Variants in GMPS observed in about 807,000 individuals in gnomAD.
The protein encoded by GMPS is guanosine monophosphate synthase.
A neutral mutation model predicts 77.9 loss-of-function variants in GMPS; 15 were observed. The ratio of observed to expected loss-of-function variants is 0.19; its 90% CI spans 0.13 to 0.30. The LOEUF is 0.30. GMPS is among the 10% of genes least tolerant of loss of function. The pLI is 1.00. For missense variants in GMPS, 590 were observed against 838.8 expected (o/e 0.70, Z 3.66); for synonymous variants, 224 against 275.9 (o/e 0.81, Z 1.86).
At chr3:155,922,083 T>A in intron 10 of GMPS, 104 bp from the exon 11 acceptor site, 2 of 556,822 alleles carry the variant, frequency 3.6e-6, no homozygotes, top group Non-Finnish European at 6.3e-6. Context: ...GGATTTTAAT[T>A]TTGGAAAGGT....
At position 155,941,396 on chromosome 3, in the gene GMPS, C is replaced by T. The variant is rs867674994; in HGVS notation, c.*3704C>T. ...TCCGGCCTGGTGAAAGAGCGAGACT[C>T]AGTCTCAAAAAAAAAAAAAAAAGGA... On this transcript the variant is annotated 3_prime_UTR_variant, in exon 16 of 16. Transcript: ENST00000496455. 6.0e-4 allele frequency: 71 copies of T among 117,414 alleles called. 2 individuals are homozygous for T. The highest frequency in any genetic ancestry group is 3.5e-3 in the African/African-American group (67 of 18,902). 7.3% of individuals were successfully genotyped at this position (117,414 alleles called of 1,614,324 possible).
At position 155,914,554 on chromosome 3, in the gene GMPS, G is replaced by T; in HGVS notation, c.1022G>T (p.Gly341Val). 1 of 1,577,824 alleles carries T rather than the reference G, an allele frequency of 6.3e-7. No individual in the cohort carries two copies. The highest frequency in any genetic ancestry group is 8.6e-7 in the Non-Finnish European group (1 of 1,166,350). ...CCTGAAGAGAAAAGAAAAATCATTG[G>T]GGATACTTTTGTTAAGGTACCTTTG... The part of the protein sequence containing the change: ...TSPEEKRKII[G>V]DTFVKIANEV... Residue 341 changes from glycine (G) to valine (V), a missense_variant, in exon 8 of 16, where the codon GGG becomes GTG. Physicochemically the swap from Gly to Val is moderately radical, Grantham distance 109. Coordinates refer to ENST00000496455, the MANE Select transcript of GMPS (RefSeq NM_003875.3).
Position 155,870,820 on chromosome 3 carries a change from G to A in GMPS, c.-51G>A, listed in dbSNP as rs1167494545. The A allele has an allele frequency of 7.0e-6, 9 of 1,283,596 alleles. No individual in the cohort carries two copies. The highest frequency in any genetic ancestry group is 2.1e-5 in the Admixed American group (1 of 46,710). 79.5% of individuals were successfully genotyped at this position (1,283,596 alleles called of 1,614,324 possible). ...GCGCCGACCCTTCCGGCACCCTCCC[G>A]CCCCGTCTCGTACTGTCGCCGTCAC... is the stretch of plus-strand genomic sequence containing the variant. On this transcript the variant is annotated 5_prime_UTR_variant, in exon 1 of 16. Transcript: ENST00000496455.
At chr3:155,902,663 G>A (rs1473155980) in intron 3 of GMPS, among the ~76,000 whole-genome samples, 4 of 152,168 alleles carry the variant, frequency 2.6e-5, no homozygotes, top group African/African-American at 9.7e-5. Flanking sequence ...AACCCTTGCT[G>A]TAGATGCTAG....
At chr3:155,930,365 T>C (rs1454250011) in intron 12 of GMPS, among the ~76,000 whole-genome samples, 3 of 144,908 alleles carry the variant, frequency 2.1e-5, no homozygotes, top group African/African-American at 7.7e-5. Flanking sequence ...CAATTCAAGA[T>C]GGATTAAAGA....
At chr3:155,922,669 G>A (rs1755346653) in intron 11 of GMPS, among the ~76,000 whole-genome samples, 1 of 152,156 alleles carries the variant, frequency 6.6e-6, no homozygotes, top group African/African-American at 2.4e-5. Context: ...TCTAGGATTT[G>A]GGTTTTTACA....
intron 4 of GMPS, 90 bp from the exon 5 acceptor site, chr3:155,906,070 G>A (rs576119403): frequency 3.2e-6 from 2 of 632,094 alleles, no homozygotes; most frequent in Admixed American, 5.8e-5. Flanking sequence ...TTCTAATCAT[G>A]TATGGCAAGC....
At chr3:155,914,698 G>A (rs1327027352) in intron 8 of GMPS, 128 bp downstream of exon 8, 2 of 543,272 alleles carry the variant, frequency 3.7e-6, no homozygotes, top group Non-Finnish European at 6.3e-6. Flanking sequence ...GTGGCTGAGA[G>A]TTTTATTGTA....
rs1253501531 is a variant in GMPS, at chr3:155,940,210, A to G, written c.*2518A>G. On this transcript the variant is annotated 3_prime_UTR_variant, in exon 16 of 16. Transcript: ENST00000496455. ...GGTAGACAGAGAATGTAGATCATTG[A>G]AAGCATTATTTATTCCTAAGATTGG... is the stretch of plus-strand genomic sequence containing the variant. 3.5e-5 allele frequency: 7 copies of G among 200,020 alleles called. No individual in the cohort carries two copies. The highest frequency in any genetic ancestry group is 7.2e-5 in the Non-Finnish European group (7 of 97,016). The allele number at this position is 200,020 out of a possible 1,614,324, so 12.4% of individuals were successfully genotyped here.
At chr3:155,908,165 G>A (rs1560044860) in intron 5 of GMPS, among the ~76,000 whole-genome samples, 1 of 152,220 alleles carries the variant, frequency 6.6e-6, no homozygotes, top group Admixed American at 6.5e-5. Flanking sequence ...GAGAGACAGC[G>A]TTGTCAGGAT....
intron 1 of GMPS, among the ~76,000 whole-genome samples, chr3:155,887,362 G>A (rs1443953031): frequency 6.6e-6 from 1 of 152,066 alleles, no homozygotes; most frequent in Admixed American, 6.6e-5. Flanking sequence ...TTGTGTCTTT[G>A]CATTGTATCA....
At chr3:155,886,435 C>T (rs540778097) in intron 1 of GMPS, among the ~76,000 whole-genome samples, 3 of 151,136 alleles carry the variant, frequency 2.0e-5, no homozygotes, top group Non-Finnish European at 3.0e-5. Context: ...ATTAGCCGGG[C>T]GTGGTGGCAG....
chr3:155,931,749 A>C lies in GMPS; in HGVS notation c.1561-16A>C. On this transcript the variant is annotated splice_polypyrimidine_tract_variant and intron_variant, in intron 12 of 15. Coordinates refer to ENST00000496455, the MANE Select transcript of GMPS (RefSeq NM_003875.3). The stretch of plus-strand genomic sequence containing the variant: ...TTTTGACTATTAAAAATTATTGATT[A>C]TCTTTTTATTTTCAGGGTGACTGTC... 9.9e-7 allele frequency: 1 copy of C among 1,014,980 alleles called. No homozygotes were observed. 62.9% of individuals were successfully genotyped at this position (1,014,980 alleles called of 1,614,324 possible). A position where few individuals can be genotyped will look rare whatever the true frequency, so the allele number is the denominator to read the frequency against.
At chr3:155,870,587 C>A, upstream of GMPS, 1 of 387,734 alleles carries the variant, frequency 2.6e-6, no homozygotes, top group Non-Finnish European at 4.7e-6. Flanking sequence ...GGCTCGGCTG[C>A]CAAGCCGAAC....
chr3:155,881,194 C>T (rs1372285880), intron 1 of GMPS, among the ~76,000 whole-genome samples: 12 of 65,542 alleles, frequency 1.8e-4, no homozygotes, highest in African/African-American at 5.1e-4. Flanking sequence ...TTTTTTGAGA[C>T]GGAGTTTTGC....
At chr3:155,928,600 T>G (rs1434217295) in intron 12 of GMPS, among the ~76,000 whole-genome samples, 1 of 151,558 alleles carries the variant, frequency 6.6e-6, no homozygotes, top group African/African-American at 2.4e-5. Flanking sequence ...GTTAGTTACA[T>G]ATGTATACAT....
chr3:155,910,766 G>A lies in GMPS; in HGVS notation c.601G>A (p.Val201Ile), dbSNP rs758814416. ...AGTTGGCCTTACAGAAAATGGAAAA[G>A]TAATACTGAAGAATTTCCTTTATGA... Reference protein sequence around the residue: ...PEVGLTENGKVILKNFLYDIA... With the variant: ...PEVGLTENGKIILKNFLYDIA... Residue 201 changes from valine to isoleucine, a missense_variant, in exon 6 of 16, where the codon GTA (valine) becomes ATA (isoleucine). By Grantham distance (29) the Val-to-Ile change is conservative. Coordinates refer to ENST00000496455, the MANE Select transcript of GMPS (RefSeq NM_003875.3). The A allele has an allele frequency of 6.8e-6, 11 of 1,611,306 alleles. No homozygotes were observed. Among genetic ancestry groups the A allele is most frequent in the South Asian group, 1.1e-5 (1 of 90,886 alleles).
Position 155,943,746 on chromosome 3 carries a change from C to G in GMPS, c.*6054C>G, listed in dbSNP as rs189836006. 6.2e-6 allele frequency: 1 copy of G among 161,694 alleles called. No individual in the cohort carries two copies. Among genetic ancestry groups the G allele is most frequent in the African/African-American group, 2.4e-5 (1 of 41,746 alleles). The allele number at this position is 161,694 out of a possible 1,614,324, so 10.0% of individuals were successfully genotyped here. On this transcript the variant is annotated 3_prime_UTR_variant, in exon 16 of 16. Transcript: ENST00000496455. ...GGAAATGATGATTTACACAATTTGT[C>G]ATGAAGCTTCCGTGTTTATGAGAAA...
intron 12 of GMPS, among the ~76,000 whole-genome samples, chr3:155,926,644 G>A (rs1260563354): frequency 6.6e-6 from 1 of 152,030 alleles, no homozygotes; most frequent in African/African-American, 2.4e-5. Flanking sequence ...AACCTAATAA[G>A]CATTTTTTCT....
Sources: allele counts gnomAD v4.1 joint callset (sites outside exome capture counted in the v4.1 genomes callset), GRCh38; gene constraint gnomAD v4.1.1; transcripts MANE v1.5; gene names NCBI Gene and HGNC (gene_info 2026-07-23, HGNC 2026-07-21).